Variants in PCLO observed in about 807,000 individuals in gnomAD.
PCLO encodes the protein piccolo presynaptic cytomatrix protein, also known as protein piccolo.
Under a neutral mutation model 427.5 loss-of-function variants are expected in PCLO, and 82 were observed. The ratio of observed to expected loss-of-function variants is 0.19; its 90% confidence interval spans 0.16 to 0.23. The LOEUF (loss-of-function observed/expected upper bound fraction) is 0.23, where lower values mean the gene tolerates loss of function less well. Among genes scored for constraint, PCLO ranks in the 10% least tolerant of loss-of-function variants. The probability of loss-of-function intolerance (pLI) is 1.00; values close to 1 mark genes in which losing one functional copy is unlikely to be tolerated. For synonymous variants in PCLO, 2,357 were observed against 2,155.4 expected, an observed-to-expected ratio of 1.09 and a Z score of -2.59; for missense variants, 6,239 against 6,115.9, an observed-to-expected ratio of 1.02 and a Z score of -0.67.
intron 7 of PCLO, among the ~76,000 whole-genome samples, chr7:82,910,392 A>G (rs1458505799): frequency 1.3e-5 from 2 of 152,004 alleles, no homozygotes; most frequent in African/African-American, 2.4e-5. Context: ...CTACTTAACC[A>G]TGGCATTTTC....
At chr7:82,963,178 G>C (rs188740374) in intron 4 of PCLO, among the ~76,000 whole-genome samples, 22 of 152,002 alleles carry the variant, frequency 1.4e-4, no homozygotes, top group Admixed American at 8.5e-4. Context: ...TAAATATTTG[G>C]AAATTATCAT....
At chr7:83,069,347 A>G (rs2116345805) in intron 3 of PCLO, among the ~76,000 whole-genome samples, 1 of 152,274 alleles carries the variant, frequency 6.6e-6, no homozygotes, top group Non-Finnish European at 1.5e-5. Flanking sequence ...TCCACTCATA[A>G]GTGAACCCAT....
At chr7:82,931,675 G>A (rs1794843336) in intron 6 of PCLO, among the ~76,000 whole-genome samples, 1 of 152,008 alleles carries the variant, frequency 6.6e-6, no homozygotes, top group South Asian at 2.1e-4. Flanking sequence ...TCAGAATATG[G>A]GGGCTTGTTT....
At chr7:83,055,003 T>TA (rs1789343486) in intron 3 of PCLO, among the ~76,000 whole-genome samples, 1 of 152,116 alleles carries the variant, frequency 6.6e-6, no homozygotes, top group African/African-American at 2.4e-5. Flanking sequence ...ATGCCTAAAT[T>TA]AGAGCCATCC....
chr7:82,914,353 T>C, intron 7 of PCLO: 1 of 469,414 alleles, frequency 2.1e-6, no homozygotes. Context: ...AAACTTACAA[T>C]GAAAAACTTT....
chr7:82,958,655 T>C (rs10264478), intron 4 of PCLO, among the ~76,000 whole-genome samples: 9,163 of 152,230 alleles, frequency 0.06, 915 homozygotes, highest in African/African-American at 0.21. Flanking sequence ...GAATTAACTA[T>C]ACTGTACCAA....
At chr7:82,896,424 T>C (rs1793905237) in intron 9 of PCLO, among the ~76,000 whole-genome samples, 2 of 151,686 alleles carry the variant, frequency 1.3e-5, no homozygotes, top group Admixed American at 6.6e-5. Context: ...ATCCAATTTA[T>C]ATGAAATGCT....
chr7:83,145,944 T>C (rs896344047), intron 2 of PCLO, among the ~76,000 whole-genome samples: 4 of 152,150 alleles, frequency 2.6e-5, no homozygotes, highest in Non-Finnish European at 5.9e-5. Flanking sequence ...TATGATTAAT[T>C]TATCAAGAGG....
chr7:83,099,519 G>T (rs1284546494), intron 3 of PCLO, among the ~76,000 whole-genome samples: 2 of 151,582 alleles, frequency 1.3e-5, no homozygotes, highest in African/African-American at 4.9e-5. Context: ...CTCCTGAGTA[G>T]ATGGGATTAC....
intron 20 of PCLO, among the ~76,000 whole-genome samples, chr7:82,812,600 T>C (rs1445488868): frequency 6.6e-6 from 1 of 151,462 alleles, no homozygotes; most frequent in Admixed American, 6.6e-5. Context: ...TTTAATAAAT[T>C]CAGGCCGTAA....
At chr7:83,159,328 A>G (rs563815292) in intron 1 of PCLO, among the ~76,000 whole-genome samples, 1 of 152,250 alleles carries the variant, frequency 6.6e-6, no homozygotes, top group African/African-American at 2.4e-5. Flanking sequence ...AGTAGTAAAG[A>G]AAATAATCAG....
At chr7:82,929,751 A>T (rs1336014597) in intron 6 of PCLO, among the ~76,000 whole-genome samples, 1 of 152,154 alleles carries the variant, frequency 6.6e-6, no homozygotes, top group Non-Finnish European at 1.5e-5. Flanking sequence ...AAAAACTACT[A>T]TTATTTTATA....
intron 20 of PCLO, among the ~76,000 whole-genome samples, chr7:82,817,853 C>A (rs576861376): frequency 6.6e-6 from 1 of 152,142 alleles, no homozygotes; most frequent in East Asian, 1.9e-4. Flanking sequence ...TTCTCCTCAT[C>A]CTGTATTGCC....
At chr7:82,800,930 A>G (rs1415452703) in intron 22 of PCLO, among the ~76,000 whole-genome samples, 1 of 151,962 alleles carries the variant, frequency 6.6e-6, no homozygotes, top group Non-Finnish European at 1.5e-5. Flanking sequence ...TAAGCTTGTC[A>G]TCGTAAAGCT....
chr7:83,004,114 G>A (rs563747608), intron 3 of PCLO, among the ~76,000 whole-genome samples: 13 of 151,696 alleles, frequency 8.6e-5, no homozygotes, highest in South Asian at 4.1e-4. Context: ...AAAATGAAAC[G>A]TCTATCAAAA....
At chr7:82,990,628 AG>A (rs1003430539) in intron 3 of PCLO, among the ~76,000 whole-genome samples, 1 of 152,176 alleles carries the variant, frequency 6.6e-6, no homozygotes, top group African/African-American at 2.4e-5. Flanking sequence ...TACTACAAAT[AG>A]AAAAACTTTT....
intron 3 of PCLO, among the ~76,000 whole-genome samples, chr7:83,059,294 AAT>A (rs71522641): frequency 3.5e-5 from 5 of 141,172 alleles, no homozygotes; most frequent in Admixed American, 7.4e-5. Context: ...TATAAAATCA[AAT>A]ATATATATAT....
intron 22 of PCLO, among the ~76,000 whole-genome samples, chr7:82,782,193 GAATTA>G (rs1790885936): frequency 6.6e-6 from 1 of 152,136 alleles, no homozygotes; most frequent in South Asian, 2.1e-4. Flanking sequence ...GATAGTGCTG[GAATTA>G]AATTGGAGGA....
At chr7:82,868,731 T>C (rs1335442410) in intron 10 of PCLO, among the ~76,000 whole-genome samples, 1 of 152,184 alleles carries the variant, frequency 6.6e-6, no homozygotes, top group African/African-American at 2.4e-5. Flanking sequence ...TTTGTGCTCT[T>C]CCATGCTGTG....
Sources: gnomAD v4.1 joint callset for allele counts (sites outside exome capture counted in the v4.1 genomes callset) on GRCh38, gnomAD v4.1.1 for gene constraint, MANE v1.5 for transcripts, NCBI Gene and HGNC (gene_info 2026-07-23, HGNC 2026-07-21) for gene names.